The following FOXP4 variants were observed in gnomAD, a reference collection of about 807,000 sequenced individuals.
The protein encoded by FOXP4 is forkhead box protein P4.
A neutral mutation model predicts 82.6 loss-of-function variants in FOXP4; 25 were observed. That is an observed-to-expected ratio of 0.30 (90% CI 0.22 to 0.42). FOXP4 has a LOEUF of 0.42. FOXP4 is among the 10% of genes least tolerant of loss of function. The pLI, the probability that FOXP4 is intolerant of heterozygous loss-of-function variation, is 1.00. For missense variants in FOXP4, 785 were observed against 900.9 expected (o/e 0.87, Z 1.65); for synonymous variants, 415 against 388.2 (o/e 1.07, Z -0.81).
chr6:41,588,546 C>A, intron 8 of FOXP4, 98 bp from the exon 9 acceptor site: 2 of 1,198,738 alleles, frequency 1.7e-6, no homozygotes, highest in Non-Finnish European at 2.5e-6. Flanking sequence ...GGTCTGTCTG[C>A]TTTTCAGGCC....
rs147099437 is a variant in FOXP4 at position 41,593,989 on chromosome 6, C to G, written c.1537-881C>G. Among the ~76,000 whole-genome samples the G allele has an allele frequency of 2.6e-5, 4 of 152,148 alleles. No homozygotes were observed. In the East Asian group the frequency reaches 5.8e-4, roughly 22 times the overall value. ...GGGATGGTGATAACTGGGAGCTGGC[C>G]GTGGGGGCAGCACAGCTGAGAGAGG... On this transcript the variant is annotated intron_variant, in intron 13 of 16. Transcript: ENST00000307972. The surrounding 1 kb of genome is among the most constrained non-coding windows in gnomAD (Gnocchi z 4.1).
Position 41,597,647 on chromosome 6 carries a change from C to T in FOXP4, c.1726-134C>T. On this transcript the variant is annotated intron_variant, in intron 15 of 16. Coordinates refer to ENST00000307972, the MANE Select transcript of FOXP4 (RefSeq NM_001012426.2). ...GCTGAGTTGGGGCTTGGGGGTTGCCCAGACAGATCCGCCCGTGGGGCCAGT... is the reference window on the plus strand; with the variant it reads ...GCTGAGTTGGGGCTTGGGGGTTGCCTAGACAGATCCGCCCGTGGGGCCAGT... 3 of 1,173,598 alleles carry T rather than the reference C, an allele frequency of 2.6e-6. No individual in the cohort carries two copies. In the South Asian group the frequency reaches 4.6e-5, roughly 18 times the overall value. The allele number at this position is 1,173,598 out of a possible 1,614,324, so 72.7% of individuals were successfully genotyped here. A position where few individuals can be genotyped will look rare whatever the true frequency, so the allele number is the denominator to read the frequency against.
chr6:41,580,044 C>CTTTT (rs10644693), intron 3 of FOXP4, among the ~76,000 whole-genome samples: 25 of 131,922 alleles, frequency 1.9e-4, no homozygotes, highest in African/African-American at 5.4e-4. Flanking sequence ...AGAACTCACA[C>CTTTT]TTTTTTTTTT....
intron 14 of FOXP4, among the ~76,000 whole-genome samples, chr6:41,595,544 C>T (rs1766781733): frequency 6.6e-6 from 1 of 152,210 alleles, no homozygotes; most frequent in Non-Finnish European, 1.5e-5. Context: ...CTTCACTTCA[C>T]CACCTGGCAT....
At chr6:41,557,451 C>T (rs1196329067) in intron 1 of FOXP4, among the ~76,000 whole-genome samples, 1 of 152,200 alleles carries the variant, frequency 6.6e-6, no homozygotes, top group Non-Finnish European at 1.5e-5. Context: ...ATCCTGTTCC[C>T]ATTTACTGCA....
intron 13 of FOXP4, among the ~76,000 whole-genome samples, chr6:41,592,110 G>T (rs1441396917): frequency 1.3e-5 from 2 of 152,082 alleles, no homozygotes; most frequent in African/African-American, 4.8e-5. Context: ...AAGGTTAGAC[G>T]CGGGGAAGGA....
chr6:41,594,105 C>T (rs1766678914), intron 13 of FOXP4, among the ~76,000 whole-genome samples: 1 of 152,120 alleles, frequency 6.6e-6, no homozygotes, highest in Non-Finnish European at 1.5e-5. Flanking sequence ...GGGAATTGGG[C>T]CAAGCACCCC....
At chr6:41,585,802 C>T (rs541517937) in intron 5 of FOXP4, among the ~76,000 whole-genome samples, 5 of 152,066 alleles carry the variant, frequency 3.3e-5, no homozygotes, top group East Asian at 1.9e-4. Context: ...TGGTGTCTGC[C>T]GGGCCACGCT....
intron 5 of FOXP4, 69 bp from the exon 6 acceptor site, chr6:41,586,940 T>C: frequency 6.7e-7 from 1 of 1,492,920 alleles, no homozygotes; most frequent in Non-Finnish European, 8.9e-7. Context: ...GGCCGCGGGG[T>C]GGGGGCCAGA....
intron 2 of FOXP4, among the ~76,000 whole-genome samples, chr6:41,577,172 C>A (rs1234313278): frequency 6.6e-6 from 1 of 152,138 alleles, no homozygotes; most frequent in African/African-American, 2.4e-5. Context: ...CTCGTATGAC[C>A]CCTCTGGCTC....
intron 3 of FOXP4, 78 bp downstream of exon 3, chr6:41,578,159 T>G: frequency 8.1e-7 from 1 of 1,232,016 alleles, no homozygotes; most frequent in Non-Finnish European, 1.2e-6. Context: ...AAGGACCCGT[T>G]GGAGAACTGC....
intron 1 of FOXP4, among the ~76,000 whole-genome samples, chr6:41,557,115 T>TC (rs1764321866): frequency 6.6e-6 from 1 of 152,158 alleles, no homozygotes; most frequent in Non-Finnish European, 1.5e-5. Context: ...AGGTGAAGGC[T>TC]CCCTACCCCA....
chr6:41,567,210 G>C (rs1764932981), intron 2 of FOXP4, among the ~76,000 whole-genome samples: 1 of 152,212 alleles, frequency 6.6e-6, no homozygotes, highest in Non-Finnish European at 1.5e-5. Flanking sequence ...TGGCCTCCTT[G>C]GCACCTAAAG....
intron 2 of FOXP4, chr6:41,570,262 G>A (rs779726403): frequency 3.6e-5 from 17 of 466,306 alleles, no homozygotes; most frequent in South Asian, 1.7e-4. Flanking sequence ...AGCCCCTCCC[G>A]TGGAGGAGCC....
intron 3 of FOXP4, among the ~76,000 whole-genome samples, chr6:41,582,947 A>G (rs1765884898): frequency 6.6e-6 from 1 of 152,148 alleles, no homozygotes; most frequent in Non-Finnish European, 1.5e-5. Context: ...TGCAGACCTC[A>G]GCTTACATCC....
At chr6:41,598,122 C>T (rs537470555) in intron 16 of FOXP4, among the ~76,000 whole-genome samples, 172 bp downstream of exon 16, 179 of 151,474 alleles carry the variant, frequency 1.2e-3, no homozygotes, top group Non-Finnish European at 1.7e-3. Flanking sequence ...CCTTGTCCCA[C>T]CTGCCTGTTC....
intron 1 of FOXP4, among the ~76,000 whole-genome samples, chr6:41,559,090 A>G (rs1193072080): frequency 1.3e-5 from 2 of 152,204 alleles, no homozygotes; most frequent in Non-Finnish European, 2.9e-5. Flanking sequence ...CCTGGCCAGT[A>G]CCTACTCAGC....
Position 41,578,056 on chromosome 6 carries a change from G to A in FOXP4, c.275G>A (p.Ser92Asn), listed in dbSNP as rs1221634286. The change falls in exon 3 of 17, where the codon AGC (serine) becomes AAC (asparagine). Residue 92 changes from serine (S) to asparagine (N), a missense_variant. Physicochemically the swap from Ser to Asn is conservative, Grantham distance 46. Transcript: ENST00000307972. ...CTGAGCTCCCCAGGGAACAATGACA[G>A]CAAACAGTCTGCCTCTGCTGTGCAG... ...SGLSSPGNND[S>N]KQSASAVQVP... The A allele has an allele frequency of 1.2e-6, 2 of 1,613,456 alleles. No individual in the cohort carries two copies. The highest frequency in any genetic ancestry group is 1.7e-6 in the Non-Finnish European group (2 of 1,180,004).
chr6:41,597,987 C>T (rs1409636085), intron 16 of FOXP4, 37 bp downstream of exon 16: 5 of 1,423,458 alleles, frequency 3.5e-6, no homozygotes, highest in Non-Finnish European at 4.6e-6. Context: ...CACCCCAGCA[C>T]CCCTCAACCA....
Sources: allele counts gnomAD v4.1 joint callset (sites outside exome capture counted in the v4.1 genomes callset), GRCh38; gene constraint gnomAD v4.1.1; non-coding constraint Gnocchi (gnomAD v3.1); transcripts MANE v1.5; gene names NCBI Gene and HGNC (gene_info 2026-07-23, HGNC 2026-07-21).